The following PRSS12 variants were observed in gnomAD, a reference collection of about 807,000 sequenced individuals.
PRSS12 encodes the protein neurotrypsin.
In PRSS12, 85 loss-of-function variants were observed where a neutral mutation model predicts 104.4. The ratio of observed to expected loss-of-function variants is 0.81; its 90% CI spans 0.68 to 0.98. PRSS12 has a LOEUF of 0.98. PRSS12 is among the 50% of genes least tolerant of loss of function. PRSS12 has a pLI of 0.00. For missense variants in PRSS12, 1,141 were observed against 1,139.2 expected (o/e 1.00, Z -0.02); for synonymous variants, 454 against 425.2 (o/e 1.07, Z -0.83).
In PRSS12 at chr4:118,282,089, G is replaced by A. The variant is rs150571030; in HGVS notation, c.2475C>T (p.Ser825=). The change falls in exon 13 of 13, where the codon AGC becomes AGT. Residue 825 remains serine, a synonymous_variant. Transcript: ENST00000296498. ...HKRVDSCQGD[S]GGPLMCERPG... ...GCCGTTCACACATGAGTGGTCCTCC[G>A]CTGTCTCCCTGGCAGCTGTCCACGC... 2.8e-5 allele frequency: 45 copies of A among 1,614,154 alleles called. No individual in the cohort carries two copies. The East Asian group carries it at 6.0e-4, about 22-fold the overall frequency.
intron 2 of PRSS12, among the ~76,000 whole-genome samples, chr4:118,336,140 T>A (rs1724059337): frequency 6.6e-6 from 1 of 152,222 alleles, no homozygotes; most frequent in Non-Finnish European, 1.5e-5. Context: ...AAATTATTAT[T>A]ACTACATCTA....
intron 11 of PRSS12, 48 bp downstream of exon 11, chr4:118,294,891 C>CTGA: frequency 6.2e-7 from 1 of 1,611,658 alleles, no homozygotes; most frequent in Non-Finnish European, 8.5e-7. Flanking sequence ...ATTGGAAGAA[C>CTGA]TGATGAATAG....
chr4:118,352,081 C>T (rs1724519394), intron 1 of PRSS12, 138 bp downstream of exon 1: 8 of 1,255,060 alleles, frequency 6.4e-6, no homozygotes, highest in East Asian at 2.6e-5. Flanking sequence ...CAGCTGCAGC[C>T]CACCATCACA....
chr4:118,352,791 C>CG lies in PRSS12; in HGVS notation c.-72dup. The CG allele has an allele frequency of 1.5e-6, 2 of 1,370,080 alleles. No homozygotes were observed. The highest frequency in any genetic ancestry group is 2.4e-5 in the South Asian group (2 of 82,618). 84.9% of individuals were successfully genotyped at this position (1,370,080 alleles called of 1,614,324 possible). On this transcript the variant is annotated 5_prime_UTR_variant, in exon 1 of 13. Coordinates refer to ENST00000296498, the MANE Select transcript of PRSS12 (RefSeq NM_003619.4). The stretch of plus-strand genomic sequence containing the variant: ...GCTTGGAGCGGAGAAGAGGAGGGGG[C>CG]GGGGGCGGGGCTGCCGCGTCCCTCG...
intron 4 of PRSS12, among the ~76,000 whole-genome samples, chr4:118,324,762 G>C (rs1055495027): frequency 6.6e-6 from 1 of 151,998 alleles, no homozygotes; most frequent in African/African-American, 2.4e-5. Flanking sequence ...GCACAGGCTG[G>C]AGTGCAGTGG....
chr4:118,284,575 T>G (rs756527282), intron 11 of PRSS12, among the ~76,000 whole-genome samples: 3 of 152,244 alleles, frequency 2.0e-5, no homozygotes, highest in Non-Finnish European at 2.9e-5. Context: ...AAATCTTGAT[T>G]TCACACATAC....
chr4:118,308,990 C>T (rs1378715222), intron 7 of PRSS12, among the ~76,000 whole-genome samples: 1 of 151,880 alleles, frequency 6.6e-6, no homozygotes, highest in East Asian at 1.9e-4. Context: ...GAAGTTTATA[C>T]ACCAAAGACA....
At chr4:118,316,436 T>C in intron 5 of PRSS12, 113 bp from the exon 6 acceptor site, 1 of 1,323,040 alleles carries the variant, frequency 7.6e-7, no homozygotes, top group Non-Finnish European at 1.1e-6. Flanking sequence ...TCTAGGCCTT[T>C]TGCTAAACTT....
chr4:118,299,785 AAAAT>A (rs1284103330), intron 8 of PRSS12, among the ~76,000 whole-genome samples: 33 of 97,646 alleles, frequency 3.4e-4, no homozygotes, highest in Non-Finnish European at 5.6e-4. Context: ...AAAATAAAAT[AAAAT>A]AAAATAAATA....
intron 4 of PRSS12, among the ~76,000 whole-genome samples, chr4:118,326,761 A>T (rs1560780205): frequency 6.6e-6 from 1 of 152,192 alleles, no homozygotes; most frequent in East Asian, 1.9e-4. Context: ...GCCTCCCACT[A>T]ACAGACTTGG....
At chr4:118,297,221 T>G (rs1429240039) in intron 9 of PRSS12, among the ~76,000 whole-genome samples, 1 of 152,214 alleles carries the variant, frequency 6.6e-6, no homozygotes, top group African/African-American at 2.4e-5. Flanking sequence ...TGGGCTAAGA[T>G]GAAATCTTTT....
chr4:118,350,735 C>T (rs1724476942), intron 1 of PRSS12, among the ~76,000 whole-genome samples: 1 of 39,388 alleles, frequency 2.5e-5, no homozygotes, highest in Non-Finnish European at 1.6e-4. Flanking sequence ...AAACATAAGG[C>T]TGAGTTATGT....
At chr4:118,326,991 T>C (rs374415015) in intron 4 of PRSS12, among the ~76,000 whole-genome samples, 6 of 152,236 alleles carry the variant, frequency 3.9e-5, no homozygotes, top group South Asian at 2.1e-4. Flanking sequence ...CTAAAATAAA[T>C]AAACAAATAA....
Position 118,313,200 on chromosome 4 carries a change from C to A in PRSS12, c.1489+1G>T, listed in dbSNP as rs757686995. 1.9e-6 allele frequency: 3 copies of A among 1,612,514 alleles called. No homozygotes were observed. The highest frequency in any genetic ancestry group is 1.7e-6 in the Non-Finnish European group (2 of 1,179,796). On this transcript the variant is annotated splice_donor_variant, in intron 7 of 12. Coordinates refer to ENST00000296498, the MANE Select transcript of PRSS12 (RefSeq NM_003619.4). LOFTEE classifies it high-confidence loss of function. ...ACTTGAGAGCTGCAGCCAGTCCTCACCCAGAGAGAGCCTGTGTCCCTCGCC... is the reference window on the plus strand; with the variant it reads ...ACTTGAGAGCTGCAGCCAGTCCTCAACCAGAGAGAGCCTGTGTCCCTCGCC...
At position 118,318,399 on chromosome 4, in the gene PRSS12, C is replaced by T. The variant is rs772399128; in HGVS notation, c.1129G>A (p.Val377Met). Residue 377 changes from valine to methionine, a missense_variant, in exon 5 of 13, where the codon GTG becomes ATG. Val to Met is a conservative substitution (Grantham distance 21, BLOSUM62 1). Transcript: ENST00000296498. ...TTACCTGTTAGAGGGGTACAGGACA[C>T]TCCAGCATCTTCTTTATGGCCACAG... ...HNCGHKEDAG[V>M]SCTPLTDGVI... The T allele has an allele frequency of 3.7e-6, 6 of 1,613,964 alleles. No homozygotes were observed. Among genetic ancestry groups the T allele is most frequent in the African/African-American group, 1.3e-5 (1 of 74,914 alleles).
Position 118,335,462 on chromosome 4 carries a change from CT to C in PRSS12, c.820+10del, listed in dbSNP as rs3215324. The C allele has an allele frequency of 1.9e-6, 3 of 1,611,758 alleles. No homozygotes were observed. Among genetic ancestry groups the C allele is most frequent in the Admixed American group, 1.7e-5 (1 of 59,734 alleles). On this transcript the variant is annotated intron_variant, in intron 3 of 12. Coordinates refer to ENST00000296498, the MANE Select transcript of PRSS12 (RefSeq NM_003619.4). ...GAAAGTAAAACAACAGAACTTTTTT[CT>C]TTTTTTTACCATGGGAAAAGCTACA... is the stretch of plus-strand genomic sequence containing the variant.
intron 3 of PRSS12, among the ~76,000 whole-genome samples, chr4:118,333,053 T>C (rs1193074784): frequency 2.0e-5 from 3 of 152,120 alleles, no homozygotes; most frequent in Non-Finnish European, 4.4e-5. Context: ...GAATCACTTG[T>C]GAAAAAGCTG....
chr4:118,315,501 A>C (rs996592315), intron 6 of PRSS12, among the ~76,000 whole-genome samples: 1 of 152,200 alleles, frequency 6.6e-6, no homozygotes, highest in Non-Finnish European at 1.5e-5. Flanking sequence ...GCATAAGACA[A>C]TTACTTCAAG....
In PRSS12 at chr4:118,331,751, G is replaced by C. The variant is rs12505679; in HGVS notation, c.936C>G (p.Ala312=). 3 of 1,614,076 alleles carry C rather than the reference G, an allele frequency of 1.9e-6. No homozygotes were observed. The Admixed American group carries it at 5.0e-5, about 27-fold the overall frequency. The change falls in exon 4 of 13, where the codon GCC becomes GCG. Residue 312 remains alanine, a synonymous_variant. Coordinates refer to ENST00000296498, the MANE Select transcript of PRSS12 (RefSeq NM_003619.4). ...GTVCDDQWDD[A]DAEVICRQLG... is the part of the protein sequence containing the mutation. ...GCTGCCTGCAGATCACTTCTGCATC[G>C]GCATCATCCCATTGGTCATCACAAA...
Sources: allele counts gnomAD v4.1 joint callset (sites outside exome capture counted in the v4.1 genomes callset), GRCh38; gene constraint gnomAD v4.1.1; transcripts MANE v1.5; gene names NCBI Gene and HGNC (gene_info 2026-07-23, HGNC 2026-07-21).